TXNDC9: variants seen among roughly 807,000 people sequenced by gnomAD.
The protein encoded by TXNDC9 is thioredoxin domain-containing protein 9.
In TXNDC9, 7 loss-of-function variants were observed where a neutral mutation model predicts 23.0. The observed-to-expected ratio is 0.30, with a 90% CI of 0.17 to 0.57. The LOEUF is 0.57. Ranked by LOEUF, TXNDC9 falls within the 20% of genes least tolerant of loss-of-function variation. TXNDC9 has a pLI of 0.90. For synonymous variants in TXNDC9, 72 were observed against 90.6 expected, an observed-to-expected ratio of 0.79 and a Z score of 1.17; for missense variants, 198 against 252.6, an observed-to-expected ratio of 0.78 and a Z score of 1.47.
chr2:99,308,747 T>C, the TXNDC9 span, among the ~76,000 whole-genome samples: 4 of 152,130 alleles, frequency 2.6e-5, no homozygotes, highest in African/African-American at 7.2e-5. Flanking sequence ...AGTTTTGCTC[T>C]GTCGCCCAGG....
Position 99,327,553 on chromosome 2 carries a change from T to C in TXNDC9, c.290A>G (p.Tyr97Cys), listed in dbSNP as rs1487273096. 13 of 1,612,430 alleles carry C rather than the reference T, an allele frequency of 8.1e-6. No individual in the cohort carries two copies. Among genetic ancestry groups the C allele is most frequent in the East Asian group, 2.2e-5 (1 of 44,832 alleles). ...KESENVVCHF[Y>C]RDSTFRCKIL... The stretch of plus-strand genomic sequence containing the variant: ...AAGTTACCTGAATGTGGAGTCTCTG[T>C]AGAAATGGCAAACCACATTTTCACT... Residue 97 changes from tyrosine to cysteine, a missense_variant, in exon 3 of 5, where the codon TAC (tyrosine) becomes TGC (cysteine). Transcript: ENST00000264255.
At chr2:99,332,915 A>C (rs1432980339) in intron 2 of TXNDC9, 107 bp downstream of exon 2, 8 of 977,478 alleles carry the variant, frequency 8.2e-6, no homozygotes, top group Non-Finnish European at 1.2e-5. Context: ...TGAATTTTAA[A>C]AACCCTAAAC....
intron 3 of TXNDC9, among the ~76,000 whole-genome samples, chr2:99,326,651 A>G (rs1025191578): frequency 3.3e-5 from 5 of 152,216 alleles, no homozygotes; most frequent in African/African-American, 1.2e-4. Context: ...AGGTATTAAC[A>G]TTTTATAAGA....
intron 3 of TXNDC9, chr2:99,322,498 C>A (rs1574905231): frequency 6.2e-6 from 9 of 1,442,360 alleles, no homozygotes; most frequent in East Asian, 2.5e-5. Context: ...GTTGTCCTAT[C>A]TCCTACACAG....
At chr2:99,326,294 G>C (rs1279007516) in intron 3 of TXNDC9, among the ~76,000 whole-genome samples, 2 of 152,082 alleles carry the variant, frequency 1.3e-5, no homozygotes, top group African/African-American at 4.8e-5. Context: ...TTCTTGAAAG[G>C]TGTTAACTAA....
chr2:99,308,868 C>T, the TXNDC9 span, among the ~76,000 whole-genome samples: 3 of 151,892 alleles, frequency 2.0e-5, no homozygotes, highest in Non-Finnish European at 4.4e-5. Flanking sequence ...CTCGCCACCA[C>T]GCCTGGCTAA....
intron 2 of TXNDC9, among the ~76,000 whole-genome samples, chr2:99,331,006 T>C (rs540459211): frequency 6.6e-6 from 1 of 152,340 alleles, no homozygotes; most frequent in African/African-American, 2.4e-5. Flanking sequence ...CAGTCTGCCT[T>C]AGTTGGTTTT....
At chr2:99,326,398 G>C (rs1357754387) in intron 3 of TXNDC9, among the ~76,000 whole-genome samples, 1 of 152,266 alleles carries the variant, frequency 6.6e-6, no homozygotes, top group Non-Finnish European at 1.5e-5. Context: ...GTGAGTGCCA[G>C]AGACTCTAGA....
intron 3 of TXNDC9, among the ~76,000 whole-genome samples, chr2:99,323,597 G>A (rs182074556): frequency 9.9e-5 from 15 of 151,806 alleles, no homozygotes; most frequent in Admixed American, 2.0e-4. Context: ...TTAGCTGGGC[G>A]TCATGATGGG....
chr2:99,329,279 C>G (rs2094219721), intron 2 of TXNDC9, among the ~76,000 whole-genome samples: 1 of 152,204 alleles, frequency 6.6e-6, no homozygotes, highest in Admixed American at 6.5e-5. Flanking sequence ...CCCTTCTCCA[C>G]ACTGAACACT....
intron 4 of TXNDC9, chr2:99,321,654 T>C: frequency 4.5e-6 from 1 of 224,360 alleles, no homozygotes. Context: ...CCATTTTAAG[T>C]TTCCAGATTA....
chr2:99,309,990 G>C, the TXNDC9 span, among the ~76,000 whole-genome samples: 1 of 151,968 alleles, frequency 6.6e-6, no homozygotes, highest in Admixed American at 6.6e-5. Context: ...CAGCCTCCTC[G>C]GGCAAATTTC....
At chr2:99,325,867 C>T (rs751358276) in intron 3 of TXNDC9, among the ~76,000 whole-genome samples, 1 of 151,862 alleles carries the variant, frequency 6.6e-6, no homozygotes, top group Non-Finnish European at 1.5e-5. Context: ...AAAAGTTAGC[C>T]GGGTGTAGTG....
chr2:99,336,316 G>C lies in TXNDC9; in HGVS notation c.-110C>G. 2 of 985,512 alleles carry C rather than the reference G, an allele frequency of 2.0e-6. No homozygotes were observed. Among genetic ancestry groups the C allele is most frequent in the Non-Finnish European group, 2.4e-6 (2 of 829,996 alleles). 61.0% of individuals were successfully genotyped at this position (985,512 alleles called of 1,614,324 possible). A position where few individuals can be genotyped will look rare whatever the true frequency, so the allele number is the denominator to read the frequency against. On this transcript the variant is annotated 5_prime_UTR_variant, in exon 1 of 5. Transcript: ENST00000264255. ...CGTCCACTCCGGCTTTTGCCTTGCA[G>C]TAGCTGCCGGCGGCTGCAAACGGGC...
intron 2 of TXNDC9, among the ~76,000 whole-genome samples, chr2:99,329,835 G>T (rs1424286060): frequency 6.6e-6 from 1 of 151,770 alleles, no homozygotes; most frequent in Non-Finnish European, 1.5e-5. Flanking sequence ...AGGTGTGTTG[G>T]CACACACCTG....
chr2:99,316,026 T>A (rs1031595797), downstream of TXNDC9, among the ~76,000 whole-genome samples: 1 of 152,168 alleles, frequency 6.6e-6, no homozygotes, highest in African/African-American at 2.4e-5. Context: ...TTTGTTGAAT[T>A]TGCAGATTAA....
At chr2:99,331,290 TG>T (rs2094224778) in intron 2 of TXNDC9, among the ~76,000 whole-genome samples, 2 of 151,978 alleles carry the variant, frequency 1.3e-5, no homozygotes, top group African/African-American at 4.8e-5. Context: ...AGAAGCCAAT[TG>T]GGCCTGGTGT....
the TXNDC9 span, among the ~76,000 whole-genome samples, chr2:99,307,003 T>TTCCCTCCC: frequency 9.7e-5 from 11 of 113,010 alleles, no homozygotes; most frequent in Admixed American, 2.0e-4. Flanking sequence ...CCAAGTTCAA[T>TTCCCTCCC]TCCCTCCCTC....
chr2:99,334,024 T>C (rs1233292462), intron 1 of TXNDC9, among the ~76,000 whole-genome samples: 1 of 152,240 alleles, frequency 6.6e-6, no homozygotes, highest in African/African-American at 2.4e-5. Flanking sequence ...AAGGAAGACC[T>C]ATCTCAATTA....
Sources: allele counts gnomAD v4.1 joint callset (sites outside exome capture counted in the v4.1 genomes callset), GRCh38; gene constraint gnomAD v4.1.1; transcripts MANE v1.5; gene names NCBI Gene and HGNC (gene_info 2026-07-23, HGNC 2026-07-21).